Variants in CDC25A observed in about 807,000 individuals in gnomAD.
CDC25A encodes the protein M-phase inducer phosphatase 1.
In CDC25A, 17 loss-of-function variants were observed where a neutral mutation model predicts 64.6. The observed-to-expected ratio is 0.26, with a 90% confidence interval of 0.18 to 0.39. The LOEUF is 0.39. CDC25A is among the 10% of genes least tolerant of loss of function. The pLI is 1.00. For missense variants in CDC25A, 473 were observed against 654.8 expected, an observed-to-expected ratio of 0.72 and a Z score of 3.03; for synonymous variants, 229 against 238.6, an observed-to-expected ratio of 0.96 and a Z score of 0.37.
At chr3:48,163,007 C>T (rs1472508907) in intron 13 of CDC25A, among the ~76,000 whole-genome samples, 3 of 151,982 alleles carry the variant, frequency 2.0e-5, no homozygotes, top group South Asian at 2.1e-4. Flanking sequence ...TTCTGCTGGG[C>T]GTGGTGGCTC....
At chr3:48,163,340 C>T (rs1381944738) in intron 13 of CDC25A, among the ~76,000 whole-genome samples, 2 of 151,314 alleles carry the variant, frequency 1.3e-5, no homozygotes, top group Non-Finnish European at 1.5e-5. Context: ...TGCAGTGGCT[C>T]ACGCCTGTAA....
At chr3:48,175,565 T>C (rs1034877321) in intron 8 of CDC25A, among the ~76,000 whole-genome samples, 2 of 152,326 alleles carry the variant, frequency 1.3e-5, no homozygotes, top group African/African-American at 4.8e-5. Flanking sequence ...TCTGCTCCCA[T>C]AGAGACCGGG....
chr3:48,178,001 A>T lies in CDC25A; in HGVS notation c.550-13T>A. On this transcript the variant is annotated splice_polypyrimidine_tract_variant and intron_variant, in intron 6 of 14. Transcript: ENST00000302506. ...CATTTGAGGAAAGCTGTAAGACAAA[A>T]TTCATGGATTAATAATGAGAGCTCT... 6.2e-7 allele frequency: 1 copy of T among 1,600,642 alleles called. No individual in the cohort carries two copies. Among genetic ancestry groups the T allele is most frequent in the South Asian group, 1.1e-5 (1 of 89,506 alleles).
chr3:48,164,157 A>G, intron 13 of CDC25A, 150 bp downstream of exon 13: 1 of 660,346 alleles, frequency 1.5e-6, no homozygotes, highest in South Asian at 2.5e-5. Context: ...AGTTCACCTC[A>G]GGATAAAATT....
chr3:48,167,565 C>T (rs944810590), intron 10 of CDC25A, among the ~76,000 whole-genome samples: 1 of 152,204 alleles, frequency 6.6e-6, no homozygotes, highest in African/African-American at 2.4e-5. Flanking sequence ...TATAATAACA[C>T]AGTTCCCAGA....
chr3:48,160,412 T>A (rs1226058758), intron 13 of CDC25A, among the ~76,000 whole-genome samples: 24 of 72,126 alleles, frequency 3.3e-4, no homozygotes, highest in Admixed American at 2.8e-3. Context: ...CCCAGTCACC[T>A]TTTTTTTTTT....
intron 13 of CDC25A, 108 bp from the exon 14 acceptor site, chr3:48,159,563 C>T (rs952708250): frequency 7.2e-6 from 5 of 697,420 alleles, no homozygotes; most frequent in Non-Finnish European, 1.3e-5. Flanking sequence ...TACACATCTT[C>T]CCAACTTGAC....
In CDC25A at chr3:48,164,370, G is replaced by A. The variant is rs144093017; in HGVS notation, c.1259C>T (p.Thr420Ile). 1 of 1,603,366 alleles carries A rather than the reference G, an allele frequency of 6.2e-7. No homozygotes were observed. The highest frequency in any genetic ancestry group is 1.3e-5 in the African/African-American group (1 of 74,270). Reference sequence around the variant, plus strand: ...CACAACAATGACACGCTTGCCATCAGTAGGTACAATGGGCTTCTTCAATAA... The same window carrying A: ...CACAACAATGACACGCTTGCCATCAATAGGTACAATGGGCTTCTTCAATAA... ...DFLLKKPIVP[T>I]DGKRVIVVFH... Residue 420 changes from threonine to isoleucine, a missense_variant, in exon 13 of 15, where the codon ACT becomes ATT. Thr to Ile is a moderately conservative substitution (Grantham distance 89). Around this residue, in one of 2 missense-constraint regions of CDC25A, gnomAD observed 97 missense variants for 223.0 expected, o/e 0.43. Transcript: ENST00000302506.
intron 13 of CDC25A, among the ~76,000 whole-genome samples, chr3:48,161,674 A>ACTC (rs2031770062): frequency 6.6e-6 from 1 of 151,932 alleles, no homozygotes; most frequent in East Asian, 1.9e-4. Flanking sequence ...CTGCCACTGT[A>ACTC]CTCCAGCCTG....
intron 12 of CDC25A, among the ~76,000 whole-genome samples, chr3:48,165,090 C>A (rs951809250): frequency 3.2e-5 from 4 of 123,364 alleles, no homozygotes; most frequent in African/African-American, 9.1e-5. Flanking sequence ...AGCCTGGCGA[C>A]AGAGCGGACT....
rs982428746 is a variant in CDC25A, at chr3:48,157,843, T to G, written c.*1102A>C. The G allele has an allele frequency of 1.3e-5, 2 of 152,720 alleles. No homozygotes were observed. The highest frequency in any genetic ancestry group is 2.9e-5 in the Non-Finnish European group (2 of 68,088). 9.5% of individuals were successfully genotyped at this position (152,720 alleles called of 1,614,324 possible). A position where few individuals can be genotyped will look rare whatever the true frequency, so the allele number is the denominator to read the frequency against. On this transcript the variant is annotated 3_prime_UTR_variant, in exon 15 of 15. Transcript: ENST00000302506. ...TGCCCAGGGCTTCCAGCCCCTCTCC[T>G]CACCCTTGGGTGGTCCATCCAACAC...
chr3:48,177,302 A>G lies in CDC25A; in HGVS notation c.756+69T>C. 3.3e-6 allele frequency: 4 copies of G among 1,195,954 alleles called. No homozygotes were observed. The East Asian group carries it at 9.3e-5, about 28-fold the overall frequency. 74.1% of individuals were successfully genotyped at this position (1,195,954 alleles called of 1,614,324 possible). The stretch of plus-strand genomic sequence containing the variant: ...TGCATTTCAATCTTTGGCTATACTC[A>G]ACTAAGGACTACTCTGTCCAGTGCC... On this transcript the variant is annotated intron_variant, in intron 8 of 14. Coordinates refer to ENST00000302506, the MANE Select transcript of CDC25A (RefSeq NM_001789.3).
In CDC25A at chr3:48,187,797, G is replaced by C. The variant is rs1308568476; in HGVS notation, c.151C>G (p.Gln51Glu). 1.3e-6 allele frequency: 2 copies of C among 1,548,138 alleles called. No homozygotes were observed. The highest frequency in any genetic ancestry group is 1.4e-5 in the African/African-American group (1 of 72,380). The change falls in exon 1 of 15, where the codon CAG (glutamine) becomes GAG (glutamate). Residue 51 changes from glutamine (Q) to glutamate (E), a missense_variant. Physicochemically the swap from Gln to Glu is conservative, Grantham distance 29. Transcript: ENST00000302506. ...CCTTACCTGCCCAGACCCTGCAGCT[G>C]GTCCATAGTGACGGTCAGGTTGGTG... ...PVTNLTVTMDQLQGLGSDYEQ... is the reference protein window; with the variant it reads ...PVTNLTVTMDELQGLGSDYEQ...
intron 2 of CDC25A, among the ~76,000 whole-genome samples, chr3:48,185,286 G>A (rs954659093): frequency 3.9e-5 from 6 of 151,972 alleles, no homozygotes; most frequent in African/African-American, 1.5e-4. Flanking sequence ...GTGGTGGCAC[G>A]TGTCTGTAGT....
chr3:48,179,308 C>T (rs1415197433), intron 6 of CDC25A, among the ~76,000 whole-genome samples: 3 of 152,146 alleles, frequency 2.0e-5, no homozygotes, highest in East Asian at 1.9e-4. Context: ...AGGCTCTAGT[C>T]GCTAAGCACA....
chr3:48,177,277 T>A, intron 8 of CDC25A, 94 bp downstream of exon 8: 1 of 947,026 alleles, frequency 1.1e-6, no homozygotes, highest in South Asian at 1.4e-5. Context: ...AATCCTATCA[T>A]GCATTTCAAT....
chr3:48,175,204 C>A (rs760542613), intron 8 of CDC25A, among the ~76,000 whole-genome samples: 1 of 151,936 alleles, frequency 6.6e-6, no homozygotes, highest in South Asian at 2.1e-4. Flanking sequence ...GGCTGAGGCA[C>A]GAGAATCACT....
At position 48,159,105 on chromosome 3, in the gene CDC25A, T is replaced by C; in HGVS notation, c.1435-20A>G. The C allele has an allele frequency of 6.2e-7, 1 of 1,613,314 alleles. No individual in the cohort carries two copies. The highest frequency in any genetic ancestry group is 8.5e-7 in the Non-Finnish European group (1 of 1,179,600). On this transcript the variant is annotated intron_variant, in intron 14 of 14. Coordinates refer to ENST00000302506, the MANE Select transcript of CDC25A (RefSeq NM_001789.3). The stretch of plus-strand genomic sequence containing the variant: ...GTAAGACTGAGGGGACAGGAGAGAA[T>C]AAGGTTAGGGTACACCTGCCTCACA...
At chr3:48,187,461 G>T (rs1274055439) in intron 1 of CDC25A, among the ~76,000 whole-genome samples, 1 of 152,258 alleles carries the variant, frequency 6.6e-6, no homozygotes, top group Non-Finnish European at 1.5e-5. Flanking sequence ...TTTCCCCGCG[G>T]GGGTAGATTC....
Sources: gnomAD v4.1 joint callset for allele counts (sites outside exome capture counted in the v4.1 genomes callset) on GRCh38, gnomAD v4.1.1 for gene constraint, gnomAD v4.1.1 regional missense constraint, MANE v1.5 for transcripts, NCBI Gene and HGNC (gene_info 2026-07-23, HGNC 2026-07-21) for gene names.